NEK11: variants seen among roughly 807,000 people sequenced by gnomAD.
NEK11 encodes NIMA related kinase 11, also known as serine/threonine-protein kinase Nek11.
In NEK11, 72 loss-of-function variants were observed where a neutral mutation model predicts 80.7. That is an observed-to-expected ratio of 0.89 (90% CI 0.74 to 1.08). NEK11 has a LOEUF of 1.08. NEK11 is among the 50% of genes least tolerant of loss of function. NEK11 has a pLI of 0.00. For synonymous variants in NEK11, 251 were observed against 260.7 expected (o/e 0.96, Z 0.36); for missense variants, 764 against 763.6 (o/e 1.00, Z -0.01).
chr3:131,314,293 C>T (rs2096813325), intron 17 of NEK11, among the ~76,000 whole-genome samples: 1 of 152,180 alleles, frequency 6.6e-6, no homozygotes, highest in African/African-American at 2.4e-5. Flanking sequence ...ACTGTGTTCT[C>T]TTGTGCTCAT....
At position 131,036,281 on chromosome 3, in the gene NEK11, C is replaced by T. The variant is rs377512925; in HGVS notation, c.170+6403C>T. On this transcript the variant is annotated intron_variant, in intron 3 of 17. Coordinates refer to ENST00000383366, the MANE Select transcript of NEK11 (RefSeq NM_024800.5). ...TATTCATTCAACAAATACTGGTCACCGTTTACTGGTCATCTGGAGCTTGAG... is the reference window on the plus strand; with the variant it reads ...TATTCATTCAACAAATACTGGTCACTGTTTACTGGTCATCTGGAGCTTGAG... 5.9e-5 allele frequency among the ~76,000 whole-genome samples: 9 copies of T among 152,276 alleles called. No homozygotes were observed. The East Asian group carries it at 9.6e-4, about 16-fold the overall frequency.
intron 14 of NEK11, among the ~76,000 whole-genome samples, chr3:131,188,898 T>C (rs2093691197): frequency 6.6e-6 from 1 of 152,148 alleles, no homozygotes; most frequent in East Asian, 1.9e-4. Flanking sequence ...GGTGACCTTA[T>C]TTGGAATAAA....
chr3:131,246,189 T>C (rs1220245927), intron 16 of NEK11, among the ~76,000 whole-genome samples: 1 of 152,126 alleles, frequency 6.6e-6, no homozygotes, highest in African/African-American at 2.4e-5. Context: ...TTATGAGATT[T>C]TGGTGCACCC....
In NEK11 at chr3:131,162,447, A is replaced by G. The variant is rs553291342; in HGVS notation, c.1002A>G (p.Ser334=). Reference sequence around the variant, plus strand: ...ACCTGCAGACTCTGAGGGCACTGTCAGAAGTACAGAAAATGACGCCAAGAG... The same window carrying G: ...ACCTGCAGACTCTGAGGGCACTGTCGGAAGTACAGAAAATGACGCCAAGAG... ...RIHLQTLRAL[S]EVQKMTPRER... is the part of the protein sequence containing the mutation. Residue 334 remains serine (S), a synonymous_variant, in exon 11 of 18, where the codon TCA becomes TCG. Transcript: ENST00000383366. The G allele has an allele frequency of 6.2e-7, 1 of 1,614,144 alleles. No individual in the cohort carries two copies. The highest frequency in any genetic ancestry group is 8.5e-7 in the Non-Finnish European group (1 of 1,179,980).
At chr3:131,301,007 T>A (rs377139030) in intron 17 of NEK11, among the ~76,000 whole-genome samples, 32 of 152,348 alleles carry the variant, frequency 2.1e-4, no homozygotes, top group African/African-American at 7.7e-4. Flanking sequence ...TTCCTAATCA[T>A]GAGTATGAAA....
chr3:131,072,963 G>T (rs2073689507), intron 3 of NEK11, among the ~76,000 whole-genome samples: 1 of 151,874 alleles, frequency 6.6e-6, no homozygotes, highest in Non-Finnish European at 1.5e-5. Flanking sequence ...TTTTTGGCTT[G>T]GCTATCAACT....
chr3:131,334,894 A>G (rs1177130428), intron 17 of NEK11, among the ~76,000 whole-genome samples: 1 of 152,236 alleles, frequency 6.6e-6, no homozygotes, highest in African/African-American at 2.4e-5. Context: ...TCCTTGACCC[A>G]TACACCTTCC....
chr3:131,137,671 CT>C (rs2149649189), intron 7 of NEK11, among the ~76,000 whole-genome samples: 1 of 152,094 alleles, frequency 6.6e-6, no homozygotes, highest in South Asian at 2.1e-4. Context: ...TTTTCAATGA[CT>C]AGCATGAAAT....
At chr3:131,129,256 A>G (rs1168777244) in intron 5 of NEK11, among the ~76,000 whole-genome samples, 1 of 151,996 alleles carries the variant, frequency 6.6e-6, no homozygotes, top group Non-Finnish European at 1.5e-5. Context: ...GGGTTTCACC[A>G]CGTTAGCCAG....
intron 14 of NEK11, among the ~76,000 whole-genome samples, chr3:131,200,377 A>G (rs946601077): frequency 1.3e-5 from 2 of 152,320 alleles, no homozygotes; most frequent in East Asian, 3.9e-4. Flanking sequence ...TTATGCTTCC[A>G]TTACTGGTGG....
At chr3:131,187,797 C>T (rs770859465) in intron 14 of NEK11, among the ~76,000 whole-genome samples, 1 of 152,054 alleles carries the variant, frequency 6.6e-6, no homozygotes, top group Non-Finnish European at 1.5e-5. Flanking sequence ...GTGAAAGCCC[C>T]AAAAGTCACA....
At chr3:131,187,282 A>G (rs755246258) in intron 14 of NEK11, among the ~76,000 whole-genome samples, 3 of 152,202 alleles carry the variant, frequency 2.0e-5, no homozygotes, top group Non-Finnish European at 2.9e-5. Context: ...GCATACTTCT[A>G]GAACATTGCA....
At position 131,179,812 on chromosome 3, in the gene NEK11, A is replaced by G. The variant is rs893416339; in HGVS notation, c.1399+8925A>G. On this transcript the variant is annotated intron_variant, in intron 14 of 17. Transcript: ENST00000383366. ...GACGGCATATCATAATTTCATGGAC[A>G]GTAGTTTTATTAATGATATATAATA... Among the ~76,000 whole-genome samples the G allele has an allele frequency of 2.6e-5, 4 of 152,302 alleles. No individual in the cohort carries two copies. In the East Asian group the frequency reaches 7.7e-4, roughly 29 times the overall value.
chr3:131,258,606 A>G (rs958076968), intron 16 of NEK11, among the ~76,000 whole-genome samples: 3 of 152,196 alleles, frequency 2.0e-5, no homozygotes, highest in Non-Finnish European at 4.4e-5. Flanking sequence ...CAATCCAAAA[A>G]ACAGACACTT....
At position 131,195,793 on chromosome 3, in the gene NEK11, A is replaced by AATATATATATATATATATAT. The variant is rs58272752; in HGVS notation, c.1399+24914_1399+24933dup. The stretch of plus-strand genomic sequence containing the variant: ...TATATATAAAGAATATATATTTCAG[A>AATATATATATATATATATAT]ATATATATATATATATATATATATA... On this transcript the variant is annotated intron_variant, in intron 14 of 17. Coordinates refer to ENST00000383366, the MANE Select transcript of NEK11 (RefSeq NM_024800.5). 3.7e-3 allele frequency among the ~76,000 whole-genome samples: 492 copies of AATATATATATATATATATAT among 133,772 alleles called. 10 individuals are homozygous for AATATATATATATATATATAT. The highest frequency in any genetic ancestry group is 0.014 in the African/African-American group (447 of 32,062). The allele number at this position is 133,772 out of a possible 152,430, so 87.8% of individuals were successfully genotyped here.
At chr3:131,272,007 G>A (rs1303174217) in intron 16 of NEK11, among the ~76,000 whole-genome samples, 1 of 151,828 alleles carries the variant, frequency 6.6e-6, no homozygotes, top group Non-Finnish European at 1.5e-5. Flanking sequence ...GACTGAGGCA[G>A]AAGAATCACT....
At chr3:131,344,819 A>G (rs1212293871) in intron 17 of NEK11, among the ~76,000 whole-genome samples, 1 of 152,152 alleles carries the variant, frequency 6.6e-6, no homozygotes, top group African/African-American at 2.4e-5. Context: ...AGATCTTGTG[A>G]GAATTCATTC....
intron 14 of NEK11, among the ~76,000 whole-genome samples, chr3:131,219,808 G>A (rs187826183): frequency 6.6e-6 from 1 of 152,304 alleles, no homozygotes; most frequent in Admixed American, 6.5e-5. Context: ...AACATGCACA[G>A]CAGCTAGCAG....
At chr3:131,288,510 T>C (rs1183954412) in intron 17 of NEK11, among the ~76,000 whole-genome samples, 2 of 145,984 alleles carry the variant, frequency 1.4e-5, no homozygotes, top group Non-Finnish European at 3.0e-5. Context: ...TGGAGTGCAA[T>C]GGGGTGATCT....
Sources: gnomAD v4.1 joint callset for allele counts (sites outside exome capture counted in the v4.1 genomes callset) on GRCh38, gnomAD v4.1.1 for gene constraint, MANE v1.5 for transcripts, NCBI Gene and HGNC (gene_info 2026-07-23, HGNC 2026-07-21) for gene names.